The following CHRM3 variants were observed in gnomAD, a reference collection of about 807,000 sequenced individuals.
CHRM3 encodes the protein muscarinic acetylcholine receptor M3.
Under a neutral mutation model 41.8 loss-of-function variants are expected in CHRM3, and 11 were observed. That is an observed-to-expected ratio of 0.26 (90% CI 0.17 to 0.44). The LOEUF (loss-of-function observed/expected upper bound fraction) is 0.44, where lower values mean the gene tolerates loss of function less well. CHRM3 is among the 20% of genes least tolerant of loss of function. The pLI is 1.00. For synonymous variants in CHRM3, 297 were observed against 301.4 expected, an observed-to-expected ratio of 0.99 and a Z score of 0.15; for missense variants, 571 against 745.4, an observed-to-expected ratio of 0.77 and a Z score of 2.72.
At chr1:239,496,508 C>CGTG (rs1311536312) in intron 2 of CHRM3, among the ~76,000 whole-genome samples, 3 of 87,910 alleles carry the variant, frequency 3.4e-5, no homozygotes, top group Admixed American at 3.0e-4. Flanking sequence ...GCTAGTAATT[C>CGTG]TAGTGTGTGT....
intron 6 of CHRM3, among the ~76,000 whole-genome samples, chr1:239,902,660 A>G (rs139362382): frequency 6.2e-4 from 95 of 152,254 alleles, no homozygotes; most frequent in Non-Finnish European, 9.6e-4. Flanking sequence ...ATTTTCCTCA[A>G]AGTTATGTTC....
At chr1:239,638,063 T>C (rs1297279366) in intron 4 of CHRM3, among the ~76,000 whole-genome samples, 1 of 151,804 alleles carries the variant, frequency 6.6e-6, no homozygotes, top group African/African-American at 2.4e-5. Context: ...ATTTCCAATT[T>C]CATCCATGTC....
intron 6 of CHRM3, among the ~76,000 whole-genome samples, chr1:239,858,818 TGC>T (rs1675337910): frequency 6.6e-6 from 1 of 152,226 alleles, no homozygotes; most frequent in African/African-American, 2.4e-5. Context: ...TCTATGGATT[TGC>T]ATATAGTGGA....
intron 3 of CHRM3, among the ~76,000 whole-genome samples, chr1:239,563,596 A>C (rs1264984575): frequency 2.0e-5 from 3 of 152,180 alleles, no homozygotes; most frequent in Non-Finnish European, 4.4e-5. Context: ...TTTTGTTTGT[A>C]CTACAGCAGC....
intron 1 of CHRM3, among the ~76,000 whole-genome samples, chr1:239,416,272 T>C (rs1246102346): frequency 2.0e-5 from 3 of 152,124 alleles, no homozygotes; most frequent in South Asian, 2.1e-4. Flanking sequence ...AATGACCATA[T>C]ACTATCGATA....
intron 5 of CHRM3, among the ~76,000 whole-genome samples, chr1:239,769,758 G>A (rs948314191): frequency 1.3e-5 from 2 of 152,136 alleles, no homozygotes; most frequent in East Asian, 1.9e-4. Context: ...GCAGGTGCCT[G>A]TAGTCCCAGC....
At chr1:239,823,834 C>G (rs565035343) in intron 5 of CHRM3, among the ~76,000 whole-genome samples, 33 of 151,966 alleles carry the variant, frequency 2.2e-4, no homozygotes, top group Admixed American at 4.6e-4. Flanking sequence ...AAGGAATTAG[C>G]AAGAAAACTG....
rs377210811 is a variant in CHRM3, at chr1:239,877,150, AG to A, written c.-19-30281del. On this transcript the variant is annotated intron_variant, in intron 6 of 6. Coordinates refer to ENST00000676153, the MANE Select transcript of CHRM3 (RefSeq NM_001375978.1). ...TTTGCTTGCAATTTTAATCTATAAA[AG>A]GTACTCATAGGTAATTTAAATTCTA... Among the ~76,000 whole-genome samples, 142 of 152,358 alleles carry A rather than the reference AG, an allele frequency of 9.3e-4. 2 individuals carry two copies. The highest frequency in any genetic ancestry group is 2.8e-3 in the African/African-American group (117 of 41,588).
chr1:239,850,429 C>T (rs1011142998), intron 6 of CHRM3, among the ~76,000 whole-genome samples: 1 of 152,078 alleles, frequency 6.6e-6, no homozygotes, highest in East Asian at 1.9e-4. Context: ...GAGAGGCAGG[C>T]ACACTCGGTG....
intron 5 of CHRM3, among the ~76,000 whole-genome samples, chr1:239,776,963 A>C (rs1572258934): frequency 6.6e-6 from 1 of 152,322 alleles, no homozygotes; most frequent in Middle Eastern, 3.4e-3. Flanking sequence ...ACCTCCTACC[A>C]GGTCCCTTCC....
At chr1:239,442,915 G>A (rs949026010) in intron 1 of CHRM3, among the ~76,000 whole-genome samples, 2 of 152,112 alleles carry the variant, frequency 1.3e-5, no homozygotes, top group Non-Finnish European at 2.9e-5. Flanking sequence ...TGTGTTATGG[G>A]GTAGAAGGAA....
At chr1:239,454,608 T>A (rs1191584051) in intron 1 of CHRM3, among the ~76,000 whole-genome samples, 5 of 152,120 alleles carry the variant, frequency 3.3e-5, no homozygotes, top group African/African-American at 1.2e-4. Flanking sequence ...AATCTTCTAA[T>A]CACACACTGG....
chr1:239,615,356 A>C (rs2148776366), intron 3 of CHRM3, among the ~76,000 whole-genome samples: 1 of 152,222 alleles, frequency 6.6e-6, no homozygotes, highest in African/African-American at 2.4e-5. Context: ...AATCAGCTAG[A>C]AATCGGGTGG....
intron 1 of CHRM3, among the ~76,000 whole-genome samples, chr1:239,398,553 T>C (rs1181595160): frequency 6.6e-6 from 1 of 152,174 alleles, no homozygotes; most frequent in African/African-American, 2.4e-5. Context: ...AAAGAATATT[T>C]CTACATCTTC....
At chr1:239,668,085 CTTTCTTTTTTTTTT>C (rs1673994384) in intron 4 of CHRM3, among the ~76,000 whole-genome samples, 1 of 133,250 alleles carries the variant, frequency 7.5e-6, no homozygotes, top group African/African-American at 2.8e-5. Flanking sequence ...TTTTTTTCCC[CTTTCTTTTTTTTTT>C]TTTTTTTTTT....
intron 5 of CHRM3, among the ~76,000 whole-genome samples, chr1:239,826,533 G>T (rs1219941152): frequency 6.6e-6 from 1 of 152,072 alleles, no homozygotes; most frequent in Non-Finnish European, 1.5e-5. Flanking sequence ...TTTCAGGAGA[G>T]GACTGTGGCA....
At chr1:239,691,517 A>C (rs1263590448) in intron 5 of CHRM3, among the ~76,000 whole-genome samples, 1 of 152,194 alleles carries the variant, frequency 6.6e-6, no homozygotes, top group Non-Finnish European at 1.5e-5. Flanking sequence ...GTTTAAACAA[A>C]ATGTCAACTT....
chr1:239,835,965 C>T (rs534591086), intron 6 of CHRM3, among the ~76,000 whole-genome samples: 81 of 152,300 alleles, frequency 5.3e-4, no homozygotes, highest in South Asian at 2.3e-3. Flanking sequence ...ATGTCCTTGC[C>T]GCTTCTTTTG....
chr1:239,634,140 C>G (rs533361151), intron 4 of CHRM3, among the ~76,000 whole-genome samples: 2 of 152,162 alleles, frequency 1.3e-5, no homozygotes, highest in South Asian at 2.1e-4. Flanking sequence ...ACAGCTGCCT[C>G]GATGCTGGTC....
Sources: gnomAD v4.1 joint callset for allele counts (sites outside exome capture counted in the v4.1 genomes callset) on GRCh38, gnomAD v4.1.1 for gene constraint, MANE v1.5 for transcripts, NCBI Gene and HGNC (gene_info 2026-07-23, HGNC 2026-07-21) for gene names.